The following RFTN2 variants were observed in gnomAD, a reference collection of about 807,000 sequenced individuals.
The protein encoded by RFTN2 is raftlin-2.
RFTN2 carries 34 observed loss-of-function variants against 52.7 expected under a neutral mutation model. That is an observed-to-expected ratio of 0.64 (90% CI 0.49 to 0.86). RFTN2 has a LOEUF of 0.86. Among genes scored for constraint, RFTN2 ranks in the 40% least tolerant of loss-of-function variants. The probability of loss-of-function intolerance (pLI) is 0.00; values close to 1 mark genes in which losing one functional copy is unlikely to be tolerated. For missense variants in RFTN2, 536 were observed against 600.1 expected (o/e 0.89, Z 1.12); for synonymous variants, 203 against 217.7 (o/e 0.93, Z 0.59).
intron 7 of RFTN2, among the ~76,000 whole-genome samples, chr2:197,600,012 C>T (rs979933238): frequency 6.6e-6 from 1 of 152,078 alleles, no homozygotes; most frequent in Non-Finnish European, 1.5e-5. Context: ...GCACACACCA[C>T]CACATCTGGC....
intron 5 of RFTN2, among the ~76,000 whole-genome samples, chr2:197,629,094 C>G (rs78901536): frequency 0.23 from 35,706 of 152,056 alleles, 4,488 homozygotes; most frequent in African/African-American, 0.31. Flanking sequence ...CCCATTACTG[C>G]GTATATACCC....
chr2:197,579,127 T>G (rs2087465120), intron 8 of RFTN2, among the ~76,000 whole-genome samples: 2 of 152,222 alleles, frequency 1.3e-5, no homozygotes, highest in Non-Finnish European at 2.9e-5. Context: ...CAGTCTTCCC[T>G]TGGTGTTTAA....
chr2:197,614,155 A>G (rs2088105511), intron 7 of RFTN2, among the ~76,000 whole-genome samples: 2 of 152,246 alleles, frequency 1.3e-5, no homozygotes, highest in Non-Finnish European at 1.5e-5. Context: ...TTTTGTACAT[A>G]TGAAACGTAA....
chr2:197,648,565 A>G (rs1289630952), intron 1 of RFTN2, among the ~76,000 whole-genome samples: 1 of 152,236 alleles, frequency 6.6e-6, no homozygotes, highest in African/African-American at 2.4e-5. Context: ...AAATGGAAGC[A>G]ACTCTTAACA....
intron 8 of RFTN2, among the ~76,000 whole-genome samples, chr2:197,581,367 T>C (rs1194739796): frequency 6.6e-6 from 1 of 152,190 alleles, no homozygotes; most frequent in Non-Finnish European, 1.5e-5. Context: ...GATGCTTTTT[T>C]CACTATTCCC....
chr2:197,662,004 G>A (rs984886854), intron 1 of RFTN2, among the ~76,000 whole-genome samples: 7 of 152,112 alleles, frequency 4.6e-5, no homozygotes, highest in African/African-American at 7.2e-5. Flanking sequence ...AATTGTTGAC[G>A]TGTTTGAGTT....
At chr2:197,607,366 A>C (rs999413016) in intron 7 of RFTN2, among the ~76,000 whole-genome samples, 1 of 152,050 alleles carries the variant, frequency 6.6e-6, no homozygotes. Flanking sequence ...GCATTAGGAG[A>C]TATACCTAAT....
intron 8 of RFTN2, among the ~76,000 whole-genome samples, chr2:197,578,808 C>A (rs543281790): frequency 6.6e-6 from 1 of 152,304 alleles, no homozygotes; most frequent in African/African-American, 2.4e-5. Flanking sequence ...GGGGGACCAC[C>A]CTTGGCAGAT....
At position 197,619,756 on chromosome 2, in the gene RFTN2, T is replaced by TA. The variant is rs1376416160; in HGVS notation, c.929-1836dup. ...ATGATCAATTAAAAAAAAAAAATAA[T>TA]AATAACAATAATAAAATAAAATAAA... On this transcript the variant is annotated intron_variant, in intron 5 of 8. Coordinates refer to ENST00000295049, the MANE Select transcript of RFTN2 (RefSeq NM_144629.3). 5.6e-4 allele frequency among the ~76,000 whole-genome samples: 72 copies of TA among 129,334 alleles called. 2 individuals are homozygous for TA. Among genetic ancestry groups the TA allele is most frequent in the Non-Finnish European group, 9.8e-4 (59 of 60,102 alleles). 84.8% of individuals were successfully genotyped at this position (129,334 alleles called of 152,430 possible).
intron 1 of RFTN2, among the ~76,000 whole-genome samples, chr2:197,669,075 A>T (rs1428936233): frequency 6.6e-6 from 1 of 152,140 alleles, no homozygotes; most frequent in Non-Finnish European, 1.5e-5. Context: ...CTCTTGGATG[A>T]TCTACTCAAT....
intron 8 of RFTN2, among the ~76,000 whole-genome samples, chr2:197,576,020 T>A (rs1272431472): frequency 6.6e-6 from 1 of 151,228 alleles, no homozygotes; most frequent in African/African-American, 2.4e-5. Context: ...CTTTTTTTGT[T>A]GTTGTTGAGA....
chr2:197,582,985 C>G (rs1228777396), intron 8 of RFTN2, among the ~76,000 whole-genome samples: 2 of 152,208 alleles, frequency 1.3e-5, no homozygotes, highest in African/African-American at 4.8e-5. Context: ...AATCTCTTCC[C>G]ACACAAGGCA....
intron 8 of RFTN2, among the ~76,000 whole-genome samples, chr2:197,590,727 C>T (rs1182007268): frequency 2.6e-5 from 4 of 151,954 alleles, no homozygotes; most frequent in African/African-American, 9.7e-5. Context: ...AATGAACCCG[C>T]AGACCTCCAC....
At chr2:197,614,725 C>T (rs982774681) in intron 7 of RFTN2, among the ~76,000 whole-genome samples, 1 of 152,300 alleles carries the variant, frequency 6.6e-6, no homozygotes. Flanking sequence ...AACAAACAAG[C>T]CACACCCCTG....
chr2:197,612,638 T>C lies in RFTN2; in HGVS notation c.1154+3238A>G, dbSNP rs115471960. ...ATTAAGAAGGGATTCTGGCATGTTTTCAGGACCAACAACAATAACTCTGGA... is the reference window on the plus strand; with the variant it reads ...ATTAAGAAGGGATTCTGGCATGTTTCCAGGACCAACAACAATAACTCTGGA... On this transcript the variant is annotated intron_variant, in intron 7 of 8. Coordinates refer to ENST00000295049, the MANE Select transcript of RFTN2 (RefSeq NM_144629.3). Among the ~76,000 whole-genome samples, 495 of 152,330 alleles carry C rather than the reference T, an allele frequency of 3.2e-3. 2 individuals carry two copies. The highest frequency in any genetic ancestry group is 0.012 in the African/African-American group (480 of 41,574).
At position 197,675,538 on chromosome 2, in the gene RFTN2, G is replaced by GTTACAGAC; in HGVS notation, c.-88_-81dup. The GTTACAGAC allele has an allele frequency of 1.7e-6, 1 of 605,496 alleles. No homozygotes were observed. The highest frequency in any genetic ancestry group is 5.3e-5 in the Admixed American group (1 of 18,780). The allele number at this position is 605,496 out of a possible 1,614,324, so 37.5% of individuals were successfully genotyped here. A position where few individuals can be genotyped will look rare whatever the true frequency, so the allele number is the denominator to read the frequency against. On this transcript the variant is annotated 5_prime_UTR_variant, in exon 1 of 9. Transcript: ENST00000295049. ...CTGTTGTTTAAGCTGCAAAAAGAAA[G>GTTACAGAC]TTACAGACTTAACTGCTTTGATTTT...
chr2:197,610,309 A>T (rs1264215086), intron 7 of RFTN2, among the ~76,000 whole-genome samples: 1 of 151,884 alleles, frequency 6.6e-6, no homozygotes, highest in Non-Finnish European at 1.5e-5. Context: ...TGATTTGTAG[A>T]TCTCCTTGAA....
chr2:197,622,264 T>G lies in RFTN2; in HGVS notation c.929-4343A>C, dbSNP rs2088278113. Among the ~76,000 whole-genome samples the G allele has an allele frequency of 3.3e-5, 5 of 152,200 alleles. No individual in the cohort carries two copies. In the South Asian group the frequency reaches 1.0e-3, roughly 31 times the overall value. On this transcript the variant is annotated intron_variant, in intron 5 of 8. Transcript: ENST00000295049. Reference sequence around the variant, plus strand: ...TATCTAGAAGATCCAGCTAAGAGAATAGATAAAGGTGGCTGCACAAAACTA... The same window carrying G: ...TATCTAGAAGATCCAGCTAAGAGAAGAGATAAAGGTGGCTGCACAAAACTA...
intron 5 of RFTN2, among the ~76,000 whole-genome samples, chr2:197,621,232 A>T (rs1386158991): frequency 6.6e-6 from 1 of 151,724 alleles, no homozygotes; most frequent in Non-Finnish European, 1.5e-5. Flanking sequence ...TCCTGTGATA[A>T]TTACATAGTT....
Sources: allele counts gnomAD v4.1 joint callset (sites outside exome capture counted in the v4.1 genomes callset), GRCh38; gene constraint gnomAD v4.1.1; transcripts MANE v1.5; gene names NCBI Gene and HGNC (gene_info 2026-07-23, HGNC 2026-07-21).